Variants in NDE1 observed in about 807,000 individuals in gnomAD.
NDE1 encodes the protein nudE neurodevelopment protein 1.
Under a neutral mutation model 43.4 loss-of-function variants are expected in NDE1, and 28 were observed. The observed-to-expected ratio is 0.65, with a 90% CI of 0.48 to 0.89. The LOEUF (loss-of-function observed/expected upper bound fraction) is 0.89, where lower values mean the gene tolerates loss of function less well. Ranked by LOEUF, NDE1 falls within the 40% of genes least tolerant of loss-of-function variation. The pLI is 0.00. For missense variants in NDE1, 441 were observed against 434.1 expected (o/e 1.02, Z -0.14); for synonymous variants, 184 against 172.0 (o/e 1.07, Z -0.55).
intron 1 of NDE1, among the ~76,000 whole-genome samples, chr16:15,652,486 T>G (rs2036551590): frequency 6.6e-6 from 1 of 152,226 alleles, no homozygotes; most frequent in Non-Finnish European, 1.5e-5. Context: ...GTGCAATGGA[T>G]GTGGGTGCTT....
intron 1 of NDE1, among the ~76,000 whole-genome samples, chr16:15,661,179 C>T (rs1478398471): frequency 2.0e-5 from 3 of 147,272 alleles, no homozygotes; most frequent in Non-Finnish European, 4.5e-5. Context: ...TTTTGAGTCT[C>T]GCTCTGTCAC....
At chr16:15,665,759 C>CTT (rs77651053) in intron 2 of NDE1, among the ~76,000 whole-genome samples, 11 of 135,474 alleles carry the variant, frequency 8.1e-5, no homozygotes, top group African/African-American at 2.7e-4. Flanking sequence ...ATCTTATTTT[C>CTT]TTTTTTTTTT....
intron 8 of NDE1, among the ~76,000 whole-genome samples, chr16:15,705,512 G>A (rs918506405): frequency 6.6e-6 from 1 of 152,158 alleles, no homozygotes; most frequent in Non-Finnish European, 1.5e-5. Context: ...ACTCTTTTCA[G>A]CAACCGCAAC....
At chr16:15,713,106 G>A (rs1288181417) in intron 8 of NDE1, 1 of 151,908 alleles carries the variant, frequency 6.6e-6, no homozygotes, top group Non-Finnish European at 1.5e-5. Flanking sequence ...GGGGCTAAGA[G>A]GTTATTCCAT....
chr16:15,672,174 C>G (rs1371421007), intron 3 of NDE1, among the ~76,000 whole-genome samples: 1 of 151,974 alleles, frequency 6.6e-6, no homozygotes, highest in East Asian at 1.9e-4. Flanking sequence ...GTGGCTGATG[C>G]CTGTAATGCC....
intron 3 of NDE1, among the ~76,000 whole-genome samples, chr16:15,673,353 G>T (rs1422873802): frequency 6.6e-6 from 1 of 151,930 alleles, no homozygotes; most frequent in African/African-American, 2.4e-5. Context: ...ATAGGCACTT[G>T]CCACCACACC....
chr16:15,701,298 T>C (rs748232721), intron 8 of NDE1: 1 of 151,918 alleles, frequency 6.6e-6, no homozygotes. Context: ...TAGCTTCTCA[T>C]TGAGATTCCT....
At chr16:15,696,912 A>AG in intron 8 of NDE1, 52 bp downstream of exon 8, 1 of 1,600,564 alleles carries the variant, frequency 6.2e-7, no homozygotes, top group Non-Finnish European at 8.5e-7. Context: ...CGCCTGCCCC[A>AG]GGCAAGAGAC....
chr16:15,676,515 C>CT lies in NDE1; in HGVS notation c.238-1283dup, dbSNP rs1189100499. ...GTGTGAGCCACTGCGCCTGGCCTGT[C>CT]TTTATGTTTTTAAATAACCTAGAGA... On this transcript the variant is annotated intron_variant, in intron 3 of 8. Transcript: ENST00000396354. 2.0e-5 allele frequency among the ~76,000 whole-genome samples: 3 copies of CT among 152,072 alleles called. No homozygotes were observed. In the South Asian group the frequency reaches 6.2e-4, roughly 32 times the overall value.
At chr16:15,664,704 G>A in intron 1 of NDE1, 32 bp from the exon 2 acceptor site, 1 of 1,106,324 alleles carries the variant, frequency 9.0e-7, no homozygotes, top group East Asian at 2.4e-5. Flanking sequence ...TTAACCAGAT[G>A]TGGGTAATCA....
At chr16:15,678,150 CA>C (rs1157471286) in intron 4 of NDE1, among the ~76,000 whole-genome samples, 2 of 152,176 alleles carry the variant, frequency 1.3e-5, no homozygotes, top group African/African-American at 4.8e-5. Flanking sequence ...GCAAGGCTGG[CA>C]GCCCAGGGTG....
chr16:15,717,992 T>G, intron 8 of NDE1: 1 of 432,942 alleles, frequency 2.3e-6, no homozygotes, highest in Non-Finnish European at 4.3e-6. Context: ...GCTCACTGGA[T>G]AAGGTCAGAG....
intron 3 of NDE1, among the ~76,000 whole-genome samples, chr16:15,673,333 A>G (rs2037698692): frequency 6.6e-6 from 1 of 151,786 alleles, no homozygotes; most frequent in Admixed American, 6.6e-5. Context: ...CCTCCCGGGT[A>G]GCTGGGACCA....
intron 1 of NDE1, among the ~76,000 whole-genome samples, chr16:15,653,619 T>C (rs1039476670): frequency 6.6e-5 from 10 of 152,098 alleles, no homozygotes; most frequent in African/African-American, 2.4e-4. Flanking sequence ...GAGATTGCTT[T>C]GCTTTTTTCC....
intron 1 of NDE1, among the ~76,000 whole-genome samples, chr16:15,654,122 A>C (rs1367292629): frequency 1.3e-5 from 2 of 152,150 alleles, no homozygotes; most frequent in African/African-American, 4.8e-5. Flanking sequence ...TGTTCCTTGC[A>C]TGATCCCATC....
chr16:15,682,703 T>C (rs185983656), intron 4 of NDE1, among the ~76,000 whole-genome samples: 1 of 152,268 alleles, frequency 6.6e-6, no homozygotes, highest in East Asian at 1.9e-4. Flanking sequence ...AGTTTTACTC[T>C]TTTCATAAGT....
intron 8 of NDE1, chr16:15,719,053 G>A: frequency 2.9e-6 from 2 of 688,562 alleles, no homozygotes; most frequent in Non-Finnish European, 5.2e-6. Context: ...GCTTGAACCT[G>A]GGAGGTGGAG....
upstream of NDE1, chr16:15,650,131 G>C (rs2036420456): frequency 6.4e-6 from 1 of 155,502 alleles, no homozygotes; most frequent in African/African-American, 2.4e-5. Flanking sequence ...ACGCTGCTCT[G>C]CGCTGATTGG....
chr16:15,719,376 A>C, intron 8 of NDE1: 1 of 1,548,478 alleles, frequency 6.5e-7, no homozygotes, highest in Non-Finnish European at 8.8e-7. Flanking sequence ...GTCCACCCTG[A>C]CAACTCAGCC....
Sources: gnomAD v4.1 joint callset for allele counts (sites outside exome capture counted in the v4.1 genomes callset) on GRCh38, gnomAD v4.1.1 for gene constraint, MANE v1.5 for transcripts, NCBI Gene and HGNC (gene_info 2026-07-23, HGNC 2026-07-21) for gene names.